Variants in CSMD1 observed in about 807,000 individuals in gnomAD.
CSMD1 encodes CUB and sushi domain-containing protein 1.
CSMD1 carries 213 observed loss-of-function variants against 417.5 expected under a neutral mutation model. That is an observed-to-expected ratio of 0.51 (90% CI 0.46 to 0.57). The LOEUF (loss-of-function observed/expected upper bound fraction) is 0.57. Among genes scored for constraint, CSMD1 ranks in the 20% least tolerant of loss-of-function variants. The probability of loss-of-function intolerance (pLI) is 0.00; values close to 1 mark genes in which losing one functional copy is unlikely to be tolerated. For synonymous variants in CSMD1, 2,862 were observed against 1,736.8 expected (o/e 1.65, Z -16.11); for missense variants, 6,923 against 4,529.7 (o/e 1.53, Z -15.17).
chr8:4,823,394 G>A (rs1219057018), intron 1 of CSMD1, among the ~76,000 whole-genome samples: 2 of 151,922 alleles, frequency 1.3e-5, no homozygotes, highest in Non-Finnish European at 2.9e-5. Flanking sequence ...AATCAAAGTA[G>A]TTCATTAACT....
intron 62 of CSMD1, among the ~76,000 whole-genome samples, chr8:2,959,961 A>C (rs1803316493): frequency 6.6e-6 from 1 of 152,214 alleles, no homozygotes; most frequent in African/African-American, 2.4e-5. Flanking sequence ...ATTTGTTATA[A>C]GGAGGGTGAA....
intron 10 of CSMD1, among the ~76,000 whole-genome samples, chr8:3,494,005 C>G (rs930732751): frequency 6.6e-6 from 1 of 152,144 alleles, no homozygotes; most frequent in African/African-American, 2.4e-5. Flanking sequence ...AGCCAAATAT[C>G]TACTAAATGT....
At chr8:4,916,282 C>T (rs1371357620) in intron 1 of CSMD1, among the ~76,000 whole-genome samples, 3 of 152,182 alleles carry the variant, frequency 2.0e-5, no homozygotes, top group Admixed American at 6.5e-5. Flanking sequence ...GGTAATATCA[C>T]ATCAAGAACT....
chr8:3,998,745 C>CAATT (rs1815423760), intron 4 of CSMD1, among the ~76,000 whole-genome samples: 1 of 151,752 alleles, frequency 6.6e-6, no homozygotes, highest in Admixed American at 6.6e-5. Context: ...TAGAAACTAA[C>CAATT]AATTAAAAAA....
At position 3,760,693 on chromosome 8, in the gene CSMD1, G is replaced by C. The variant is rs10112797; in HGVS notation, c.819-6651C>G. Among the ~76,000 whole-genome samples, 1,077 of 152,276 alleles carry C rather than the reference G, an allele frequency of 7.1e-3. 13 individuals carry two copies. The highest frequency in any genetic ancestry group is 0.023 in the African/African-American group (936 of 41,554). On this transcript the variant is annotated intron_variant, in intron 5 of 69. Coordinates refer to ENST00000635120, the MANE Select transcript of CSMD1 (RefSeq NM_033225.6). Reference sequence around the variant, plus strand: ...TGCATTTGGAAATGCTAATGGTTTTGGATATCGCTTTGTTTGAGTACTTCT... The same window carrying C: ...TGCATTTGGAAATGCTAATGGTTTTCGATATCGCTTTGTTTGAGTACTTCT...
intron 1 of CSMD1, among the ~76,000 whole-genome samples, chr8:4,677,914 A>G (rs1044278057): frequency 6.6e-6 from 1 of 152,206 alleles, no homozygotes; most frequent in African/African-American, 2.4e-5. Context: ...TTAATGAACT[A>G]TATATTGATT....
At chr8:4,522,303 C>T (rs1008710178) in intron 2 of CSMD1, among the ~76,000 whole-genome samples, 3 of 152,184 alleles carry the variant, frequency 2.0e-5, no homozygotes, top group Non-Finnish European at 4.4e-5. Flanking sequence ...ATTGTGAGGC[C>T]TCCCCAGCCA....
At chr8:3,949,966 A>T (rs1811496543) in intron 5 of CSMD1, 1 of 455,824 alleles carries the variant, frequency 2.2e-6, no homozygotes, top group African/African-American at 2.0e-5. Context: ...CAGCAGAGCG[A>T]CGTGTCTCCA....
chr8:4,495,869 A>T (rs552749027), intron 2 of CSMD1, among the ~76,000 whole-genome samples: 1 of 152,156 alleles, frequency 6.6e-6, no homozygotes, highest in East Asian at 1.9e-4. Flanking sequence ...ATTTCATTTA[A>T]TTTTTCTGTG....
intron 12 of CSMD1, among the ~76,000 whole-genome samples, chr8:3,448,311 GGA>G: frequency 1.6e-4 from 1 of 6,108 alleles, no homozygotes. Context: ...TGGGAAGGAA[GGA>G]AGGAAGGAAG....
chr8:4,068,474 A>C (rs781032390), intron 3 of CSMD1, among the ~76,000 whole-genome samples: 1 of 152,254 alleles, frequency 6.6e-6, no homozygotes, highest in African/African-American at 2.4e-5. Flanking sequence ...TCATGACACC[A>C]TAACACATAG....
At chr8:4,448,241 A>C (rs1217656) in intron 2 of CSMD1, among the ~76,000 whole-genome samples, 141,614 of 152,248 alleles carry the variant, frequency 0.93, 65,995 homozygotes, top group African/African-American at 0.98. Context: ...AGGTGAAGGA[A>C]TCAAAAGCCC....
chr8:4,428,051 C>T (rs1046610240), intron 2 of CSMD1, among the ~76,000 whole-genome samples: 2 of 152,184 alleles, frequency 1.3e-5, no homozygotes, highest in Non-Finnish European at 2.9e-5. Flanking sequence ...ATTGTTAAGA[C>T]ATGAAGGTTA....
At chr8:3,874,608 TAA>T (rs1805692696) in intron 5 of CSMD1, among the ~76,000 whole-genome samples, 1 of 152,122 alleles carries the variant, frequency 6.6e-6, no homozygotes, top group African/African-American at 2.4e-5. Flanking sequence ...TTCAGTAGAT[TAA>T]GTCTCACATG....
chr8:4,962,388 T>C (rs1809559139), intron 1 of CSMD1, among the ~76,000 whole-genome samples: 2 of 151,904 alleles, frequency 1.3e-5, no homozygotes, highest in South Asian at 2.1e-4. Context: ...TTTTATAATT[T>C]TGTGTAGAGA....
intron 39 of CSMD1, among the ~76,000 whole-genome samples, chr8:3,154,895 C>A (rs555209237): frequency 4.9e-4 from 75 of 152,176 alleles, no homozygotes; most frequent in African/African-American, 1.7e-3. Context: ...TCTTACAATT[C>A]CCCAGTTTGG....
chr8:3,120,210 A>T (rs1046275160), intron 41 of CSMD1, among the ~76,000 whole-genome samples: 1 of 152,178 alleles, frequency 6.6e-6, no homozygotes, highest in Non-Finnish European at 1.5e-5. Context: ...GCCAGCAGAC[A>T]GGGGATGGGA....
At chr8:4,453,809 CG>C (rs1281028700) in intron 2 of CSMD1, among the ~76,000 whole-genome samples, 9 of 108,974 alleles carry the variant, frequency 8.3e-5, no homozygotes, top group Non-Finnish European at 1.5e-4. Context: ...TTGCGCAATT[CG>C]TTTCTTTTTT....
intron 3 of CSMD1, among the ~76,000 whole-genome samples, chr8:4,345,426 A>T (rs1004258512): frequency 6.6e-6 from 1 of 152,134 alleles, no homozygotes; most frequent in Non-Finnish European, 1.5e-5. Context: ...TATAGTGATC[A>T]AATCAGGATA....
Sources: allele counts gnomAD v4.1 joint callset (sites outside exome capture counted in the v4.1 genomes callset), GRCh38; gene constraint gnomAD v4.1.1; transcripts MANE v1.5; gene names NCBI Gene and HGNC (gene_info 2026-07-23, HGNC 2026-07-21).